ATP8B1: variants seen among roughly 807,000 people sequenced by gnomAD.
ATP8B1 encodes ATPase phospholipid transporting 8B1, also known as phospholipid-transporting ATPase IC.
In ATP8B1, 80 loss-of-function variants were observed where a neutral mutation model predicts 149.9. The observed-to-expected ratio is 0.53, with a 90% confidence interval of 0.45 to 0.64. The LOEUF (loss-of-function observed/expected upper bound fraction) is 0.64. Ranked by LOEUF, ATP8B1 falls within the 30% of genes least tolerant of loss-of-function variation. ATP8B1 has a pLI of 0.00. For missense variants in ATP8B1, 1,247 were observed against 1,552.6 expected, an observed-to-expected ratio of 0.80 and a Z score of 3.31; for synonymous variants, 536 against 562.8, an observed-to-expected ratio of 0.95 and a Z score of 0.67.
chr18:57,660,263 A>T (rs1910304226), intron 22 of ATP8B1, among the ~76,000 whole-genome samples: 1 of 152,188 alleles, frequency 6.6e-6, no homozygotes, highest in African/African-American at 2.4e-5. Context: ...AAATTCTAGC[A>T]TCCAGAAAAA....
chr18:57,757,029 A>G (rs1168143041), intron 1 of ATP8B1, among the ~76,000 whole-genome samples: 2 of 152,124 alleles, frequency 1.3e-5, no homozygotes, highest in Non-Finnish European at 2.9e-5. Context: ...ATGGCCATGA[A>G]AGGATGATTT....
At chr18:57,746,677 T>C (rs1014825307) in intron 1 of ATP8B1, among the ~76,000 whole-genome samples, 4 of 151,876 alleles carry the variant, frequency 2.6e-5, no homozygotes, top group Non-Finnish European at 5.9e-5. Context: ...GGTTTTACCA[T>C]ATTGGCCAGC....
chr18:57,712,086 G>A (rs1170116723), intron 2 of ATP8B1, among the ~76,000 whole-genome samples: 1 of 148,946 alleles, frequency 6.7e-6, no homozygotes, highest in Non-Finnish European at 1.5e-5. Flanking sequence ...ATGGAGAGGA[G>A]CAAGGTGGCC....
At chr18:57,689,794 G>A (rs1287142274) in intron 12 of ATP8B1, among the ~76,000 whole-genome samples, 1 of 152,148 alleles carries the variant, frequency 6.6e-6, no homozygotes, top group Non-Finnish European at 1.5e-5. Flanking sequence ...GAGGTGGGCG[G>A]ATCATGAGGT....
chr18:57,768,406 A>AAAG (rs2080235366), intron 1 of ATP8B1, among the ~76,000 whole-genome samples: 13 of 119,990 alleles, frequency 1.1e-4, no homozygotes, highest in African/African-American at 1.8e-4. Flanking sequence ...AAAAAAAAAA[A>AAAG]AAAAGAAAAG....
chr18:57,771,233 A>G (rs1013716117), intron 1 of ATP8B1, among the ~76,000 whole-genome samples: 3 of 152,210 alleles, frequency 2.0e-5, no homozygotes, highest in Non-Finnish European at 4.4e-5. Context: ...TTAAGATGGT[A>G]AGTCTTATAT....
intron 13 of ATP8B1, 57 bp from the exon 14 acceptor site, chr18:57,685,172 C>T: frequency 1.3e-6 from 2 of 1,582,894 alleles, no homozygotes; most frequent in Non-Finnish European, 1.7e-6. Flanking sequence ...AGAGGCCCCT[C>T]CTTACCTGGC....
chr18:57,698,775 C>T (rs1198744181), intron 6 of ATP8B1, among the ~76,000 whole-genome samples: 2 of 152,200 alleles, frequency 1.3e-5, no homozygotes, highest in Non-Finnish European at 2.9e-5. Context: ...TTACACAGCC[C>T]CTTCAGCCTC....
intron 1 of ATP8B1, among the ~76,000 whole-genome samples, chr18:57,751,466 A>AG (rs1180056209): frequency 4.0e-5 from 6 of 151,864 alleles, no homozygotes; most frequent in African/African-American, 1.5e-4. Context: ...AAAAAAAAAA[A>AG]AGGGAATTTA....
intron 4 of ATP8B1, among the ~76,000 whole-genome samples, chr18:57,701,781 C>T (rs753740227): frequency 2.0e-4 from 31 of 151,906 alleles, no homozygotes; most frequent in Non-Finnish European, 2.9e-4. Flanking sequence ...ATGCAACCTC[C>T]GCCTCCCAGG....
At chr18:57,694,206 C>A (rs80173396) in intron 11 of ATP8B1, among the ~76,000 whole-genome samples, 1 of 152,046 alleles carries the variant, frequency 6.6e-6, no homozygotes, top group South Asian at 2.1e-4. Context: ...GGGAGGCTTG[C>A]TTCTAAGAGA....
intron 22 of ATP8B1, among the ~76,000 whole-genome samples, chr18:57,656,170 A>G (rs1909981075): frequency 6.6e-6 from 1 of 152,082 alleles, no homozygotes; most frequent in Non-Finnish European, 1.5e-5. Context: ...TCTGTAGACC[A>G]TCCAGAGCTT....
chr18:57,646,666 T>A lies in ATP8B1; in HGVS notation c.*1822A>T, dbSNP rs1909197587. The stretch of plus-strand genomic sequence containing the variant: ...AACTAACAGAATTACACAAGCTAAG[T>A]TTTCTGTAAAAAAAGAAAAAACTTA... On this transcript the variant is annotated 3_prime_UTR_variant, in exon 28 of 28. Coordinates refer to ENST00000648908, the MANE Select transcript of ATP8B1 (RefSeq NM_001374385.1). The A allele has an allele frequency of 6.6e-6, 1 of 152,558 alleles. No individual in the cohort carries two copies. The highest frequency in any genetic ancestry group is 1.9e-4 in the East Asian group (1 of 5,204). The allele number at this position is 152,558 out of a possible 1,614,324, so 9.5% of individuals were successfully genotyped here.
chr18:57,671,634 A>AT (rs1193204097), intron 16 of ATP8B1, 54 bp from the exon 17 acceptor site: 47 of 1,245,916 alleles, frequency 3.8e-5, no homozygotes, highest in South Asian at 2.6e-4. Context: ...TTATATATAT[A>AT]TTTTTTGAGA....
intron 1 of ATP8B1, among the ~76,000 whole-genome samples, chr18:57,778,840 A>G (rs2080333896): frequency 6.6e-6 from 1 of 152,172 alleles, no homozygotes; most frequent in Admixed American, 6.6e-5. Context: ...CAGAAGTGAC[A>G]TCCCATCACT....
intron 12 of ATP8B1, among the ~76,000 whole-genome samples, chr18:57,688,844 C>T (rs1912389399): frequency 6.6e-6 from 1 of 152,186 alleles, no homozygotes; most frequent in Non-Finnish European, 1.5e-5. Flanking sequence ...GAAAGTGAGC[C>T]TTTGCCAGAC....
intron 2 of ATP8B1, among the ~76,000 whole-genome samples, chr18:57,729,154 A>G (rs2079736031): frequency 6.6e-6 from 1 of 152,152 alleles, no homozygotes; most frequent in Admixed American, 6.6e-5. Context: ...AGGGGATGAG[A>G]GTTTCCACCC....
chr18:57,668,341 A>G (rs781593555), intron 19 of ATP8B1, 88 bp downstream of exon 19: 151 of 1,375,816 alleles, frequency 1.1e-4, no homozygotes, highest in Middle Eastern at 8.9e-4. Context: ...ACAGGATGAA[A>G]AGTCTGAGGA....
At position 57,784,704 on chromosome 18, in the gene ATP8B1, A is replaced by G. The variant is rs1040657312; in HGVS notation, c.-26+18294T>C. Among the ~76,000 whole-genome samples the G allele has an allele frequency of 2.0e-5, 3 of 152,100 alleles. No individual in the cohort carries two copies. Among genetic ancestry groups the G allele is most frequent in the Admixed American group, 6.5e-5 (1 of 15,276 alleles). Reference sequence around the variant, plus strand: ...CAGGAGAGTATTATGAAACGTGCCTATGACTAAGTCCTGCGAAACCGTAGC... The same window carrying G: ...CAGGAGAGTATTATGAAACGTGCCTGTGACTAAGTCCTGCGAAACCGTAGC... On this transcript the variant is annotated intron_variant, in intron 1 of 27. Coordinates refer to ENST00000648908, the MANE Select transcript of ATP8B1 (RefSeq NM_001374385.1). This position sits in a 1 kb window ranked among gnomAD's most constrained non-coding sequence, Gnocchi z 4.4.
Sources: allele counts gnomAD v4.1 joint callset (sites outside exome capture counted in the v4.1 genomes callset), GRCh38; gene constraint gnomAD v4.1.1; non-coding constraint Gnocchi (gnomAD v3.1); transcripts MANE v1.5; gene names NCBI Gene and HGNC (gene_info 2026-07-23, HGNC 2026-07-21).